PTPRZ1: variants seen among roughly 807,000 people sequenced by gnomAD.
PTPRZ1 encodes receptor-type tyrosine-protein phosphatase zeta.
In PTPRZ1, 82 loss-of-function variants were observed where a neutral mutation model predicts 214.1. The ratio of observed to expected loss-of-function variants is 0.38; its 90% confidence interval spans 0.32 to 0.46. The LOEUF is 0.46. Ranked by LOEUF, PTPRZ1 falls within the 20% of genes least tolerant of loss-of-function variation. The pLI is 1.00. For missense variants in PTPRZ1, 2,603 were observed against 2,748.7 expected (o/e 0.95, Z 1.19); for synonymous variants, 945 against 987.9 (o/e 0.96, Z 0.81).
At chr7:121,911,198 G>A (rs189836996) in intron 1 of PTPRZ1, among the ~76,000 whole-genome samples, 1 of 152,070 alleles carries the variant, frequency 6.6e-6, no homozygotes, top group East Asian at 1.9e-4. Flanking sequence ...TAAAAACATA[G>A]TATTCTATTC....
intron 1 of PTPRZ1, among the ~76,000 whole-genome samples, chr7:121,884,406 T>A (rs1794336983): frequency 6.6e-6 from 1 of 152,182 alleles, no homozygotes; most frequent in South Asian, 2.1e-4. Flanking sequence ...TATATGCATT[T>A]TTTTTCCTGC....
At chr7:121,918,263 G>A (rs1019184588) in intron 1 of PTPRZ1, among the ~76,000 whole-genome samples, 1 of 152,128 alleles carries the variant, frequency 6.6e-6, no homozygotes, top group Non-Finnish European at 1.5e-5. Context: ...TGACATTTGG[G>A]TTTAATTTTA....
At chr7:121,966,845 C>T (rs1797059965) in intron 2 of PTPRZ1, 2 of 152,146 alleles carry the variant, frequency 1.3e-5, no homozygotes, top group Admixed American at 6.6e-5. Flanking sequence ...AGGATTTTAT[C>T]AAAGATAAAT....
At position 122,010,720 on chromosome 7, in the gene PTPRZ1, A is replaced by C. The variant is rs1798628904; in HGVS notation, c.1674A>C (p.Glu558Asp). Reference sequence around the variant, plus strand: ...ATATGAACTTGTCGGGGACTGCAGAATCCTTAAATACAGTTTCTATAACAG... The same window carrying C: ...ATATGAACTTGTCGGGGACTGCAGACTCCTTAAATACAGTTTCTATAACAG... ...SPHMNLSGTA[E>D]SLNTVSITEY... Residue 558 changes from glutamate (E) to aspartate (D), a missense_variant, in exon 12 of 30, where the codon GAA (glutamate) becomes GAC (aspartate). By Grantham distance (45) the Glu-to-Asp change is conservative (BLOSUM62 2). Around this residue, in one of 6 missense-constraint regions of PTPRZ1, gnomAD observed 1,913 missense variants for 1,914.3 expected, o/e 1.00. Transcript: ENST00000393386. 1.2e-6 allele frequency: 2 copies of C among 1,613,832 alleles called. No individual in the cohort carries two copies. Among genetic ancestry groups the C allele is most frequent in the African/African-American group, 2.7e-5 (2 of 74,864 alleles).
chr7:121,902,817 T>G (rs1795006584), intron 1 of PTPRZ1, among the ~76,000 whole-genome samples: 1 of 152,200 alleles, frequency 6.6e-6, no homozygotes, highest in African/African-American at 2.4e-5. Flanking sequence ...TTTGTTTAGT[T>G]TATTGATCAA....
At chr7:122,017,133 A>G (rs1319455151) in intron 12 of PTPRZ1, among the ~76,000 whole-genome samples, 1 of 152,216 alleles carries the variant, frequency 6.6e-6, no homozygotes, top group African/African-American at 2.4e-5. Context: ...GTTTTCATTT[A>G]TTACTGACAC....
intron 2 of PTPRZ1, among the ~76,000 whole-genome samples, chr7:121,956,539 A>G (rs1196481): frequency 0.62 from 93,948 of 152,122 alleles, 29,606 homozygotes; most frequent in African/African-American, 0.73. Flanking sequence ...TGAAATGAAA[A>G]TGGCAGAATT....
chr7:121,909,972 A>C (rs1320028780), intron 1 of PTPRZ1, among the ~76,000 whole-genome samples: 11 of 152,154 alleles, frequency 7.2e-5, no homozygotes, highest in Non-Finnish European at 1.3e-4. Context: ...CAAAAAAGTA[A>C]ATATTTTTAA....
At position 122,011,600 on chromosome 7, in the gene PTPRZ1, G is replaced by T. The variant is rs553036565; in HGVS notation, c.2554G>T (p.Asp852Tyr). The part of the protein sequence containing the change: ...LPQVTSATES[D>Y]KVPLHASLPV... ...ACAAGTTACTTCAGCTACCGAGAGTGATAAGGTGCCCTTGCATGCTTCTCT... is the reference window on the plus strand; with the variant it reads ...ACAAGTTACTTCAGCTACCGAGAGTTATAAGGTGCCCTTGCATGCTTCTCT... The change falls in exon 12 of 30, where the codon GAT (aspartate) becomes TAT (tyrosine). Residue 852 changes from aspartate to tyrosine, a missense_variant. Coordinates refer to ENST00000393386, the MANE Select transcript of PTPRZ1 (RefSeq NM_002851.3). 2.5e-6 allele frequency: 4 copies of T among 1,614,060 alleles called. No homozygotes were observed. In the South Asian group the frequency reaches 4.4e-5, roughly 18 times the overall value.
At chr7:121,905,610 A>G (rs1795091301) in intron 1 of PTPRZ1, among the ~76,000 whole-genome samples, 1 of 148,340 alleles carries the variant, frequency 6.7e-6, no homozygotes, top group Non-Finnish European at 1.5e-5. Flanking sequence ...AACACTTAAC[A>G]GTGATTTCTG....
chr7:121,974,535 T>A (rs147239157), intron 4 of PTPRZ1, among the ~76,000 whole-genome samples: 2,050 of 152,306 alleles, frequency 0.013, 40 homozygotes, highest in African/African-American at 0.047. Context: ...TCGCCCAGGC[T>A]GGAGTGCAAT....
At chr7:121,942,947 G>A (rs1563029212) in intron 2 of PTPRZ1, among the ~76,000 whole-genome samples, 1 of 152,056 alleles carries the variant, frequency 6.6e-6, no homozygotes, top group Non-Finnish European at 1.5e-5. Flanking sequence ...AACCATATTT[G>A]GACTATATTA....
chr7:122,013,455 A>G lies in PTPRZ1; in HGVS notation c.4409A>G (p.Asn1470Ser). Reference sequence around the variant, plus strand: ...CACGAAAACAGTCTTATGGATCAGAATAATCCAATCTCATACTCACTATCT... The same window carrying G: ...CACGAAAACAGTCTTATGGATCAGAGTAATCCAATCTCATACTCACTATCT... The part of the protein sequence containing the change: ...DTHENSLMDQ[N>S]NPISYSLSEN... The change falls in exon 12 of 30, where the codon AAT becomes AGT. Residue 1470 changes from asparagine (N) to serine (S), a missense_variant. Asn to Ser is a conservative substitution (Grantham distance 46). This residue lies in a region of PTPRZ1 where 1,913 missense variants were observed against 1,914.3 expected (regional missense o/e 1.00). Transcript: ENST00000393386. 1 of 1,614,172 alleles carries G rather than the reference A, an allele frequency of 6.2e-7. No individual in the cohort carries two copies. The highest frequency in any genetic ancestry group is 8.5e-7 in the Non-Finnish European group (1 of 1,180,016).
intron 1 of PTPRZ1, among the ~76,000 whole-genome samples, chr7:121,926,027 G>A (rs181048813): frequency 7.9e-5 from 12 of 152,212 alleles, no homozygotes; most frequent in South Asian, 6.2e-4. Context: ...ATTACAAGCC[G>A]GGCACAGTGG....
At chr7:121,940,088 A>T (rs189516733) in intron 2 of PTPRZ1, among the ~76,000 whole-genome samples, 1 of 152,308 alleles carries the variant, frequency 6.6e-6, no homozygotes, top group Non-Finnish European at 1.5e-5. Flanking sequence ...ATGTGATGAG[A>T]CAAGCTTCTT....
intron 2 of PTPRZ1, among the ~76,000 whole-genome samples, chr7:121,963,300 C>T (rs921481658): frequency 3.3e-5 from 5 of 152,118 alleles, no homozygotes; most frequent in African/African-American, 1.2e-4. Context: ...GGACAGGCTG[C>T]TTGTAAGGGT....
chr7:121,930,874 A>G (rs1795900928), intron 2 of PTPRZ1, among the ~76,000 whole-genome samples: 1 of 152,160 alleles, frequency 6.6e-6, no homozygotes, highest in South Asian at 2.1e-4. Flanking sequence ...CCTAATAATT[A>G]TGAGAAACAT....
chr7:121,878,392 T>C (rs1160028898), intron 1 of PTPRZ1, among the ~76,000 whole-genome samples: 7 of 152,164 alleles, frequency 4.6e-5, no homozygotes, highest in Non-Finnish European at 8.8e-5. Context: ...ATAGAACTCA[T>C]GAGGAGTCAT....
At position 122,033,773 on chromosome 7, in the gene PTPRZ1, A is replaced by T; in HGVS notation, c.5167-322A>T. 3 of 300,572 alleles carry T rather than the reference A, an allele frequency of 1.0e-5. No homozygotes were observed. The South Asian group carries it at 2.2e-4, about 22-fold the overall frequency. The allele number at this position is 300,572 out of a possible 1,614,324, so 18.6% of individuals were successfully genotyped here. On this transcript the variant is annotated intron_variant, in intron 15 of 29. Transcript: ENST00000393386. ...ATAAAATAAAATTTGGATATTAGCC[A>T]ATCTGACTAATATGACAAAATGTAT...
Sources: allele counts gnomAD v4.1 joint callset (sites outside exome capture counted in the v4.1 genomes callset), GRCh38; gene constraint gnomAD v4.1.1; regional missense constraint gnomAD v4.1.1; transcripts MANE v1.5; gene names NCBI Gene and HGNC (gene_info 2026-07-23, HGNC 2026-07-21).